RCOR3: variants seen among roughly 807,000 people sequenced by gnomAD.
RCOR3 encodes REST corepressor 3.
Under a neutral mutation model 64.1 loss-of-function variants are expected in RCOR3, and 13 were observed. The ratio of observed to expected loss-of-function variants is 0.20; its 90% CI spans 0.13 to 0.32. The LOEUF is 0.32. Ranked by LOEUF, RCOR3 falls within the 10% of genes least tolerant of loss-of-function variation. The pLI is 1.00. For synonymous variants in RCOR3, 215 were observed against 239.0 expected, an observed-to-expected ratio of 0.90 and a Z score of 0.93; for missense variants, 489 against 701.2, an observed-to-expected ratio of 0.70 and a Z score of 3.42.
intron 9 of RCOR3, among the ~76,000 whole-genome samples, chr1:211,296,562 T>G (rs1442064726): frequency 2.0e-5 from 3 of 152,130 alleles, no homozygotes; most frequent in East Asian, 3.9e-4. Flanking sequence ...TGAGGGGCTA[T>G]GGGGAGGCAG....
Position 211,259,424 on chromosome 1 carries a change from A to G in RCOR3, c.-137A>G, listed in dbSNP as rs1351986249. On this transcript the variant is annotated 5_prime_UTR_variant, in exon 1 of 12. The change abolishes the stop of an existing upstream ORF in the 5' untranslated region. Coordinates refer to ENST00000419091, the MANE Select transcript of RCOR3 (RefSeq NM_001136223.3). ...GGGGCGGTTATGGCGGCTCCATATT[A>G]ACAGCCTCCTCCTCCTCCGCCGCCG... The G allele has an allele frequency of 4.8e-6, 4 of 826,240 alleles. No homozygotes were observed. Among genetic ancestry groups the G allele is most frequent in the Non-Finnish European group, 7.3e-6 (4 of 549,096 alleles). The allele number at this position is 826,240 out of a possible 1,614,324, so 51.2% of individuals were successfully genotyped here.
chr1:211,304,034 A>C, intron 9 of RCOR3, 49 bp from the exon 10 acceptor site: 1 of 1,349,166 alleles, frequency 7.4e-7, no homozygotes, highest in African/African-American at 1.5e-5. Context: ...CGCTTTGGAA[A>C]ATGTCTGTCT....
chr1:211,272,823 G>A (rs1339636597), intron 3 of RCOR3, among the ~76,000 whole-genome samples: 13 of 150,828 alleles, frequency 8.6e-5, no homozygotes, highest in South Asian at 2.1e-4. Flanking sequence ...GGGTTTCACC[G>A]TTTTAGCCAG....
chr1:211,307,490 A>AATTTAAAAAG (rs1553263688), intron 10 of RCOR3, among the ~76,000 whole-genome samples: 10 of 150,664 alleles, frequency 6.6e-5, no homozygotes, highest in Non-Finnish European at 8.9e-5. Flanking sequence ...CAAAAAAAAA[A>AATTTAAAAAG]GAATTTAAAA....
intron 9 of RCOR3, among the ~76,000 whole-genome samples, chr1:211,300,917 C>T (rs6540677): frequency 0.95 from 144,331 of 151,266 alleles, 68,905 homozygotes; most frequent in East Asian, 1. Flanking sequence ...TGCGTGCGTG[C>T]GTGTGTGTGT....
chr1:211,310,687 G>A (rs763909469), intron 10 of RCOR3, among the ~76,000 whole-genome samples: 164 of 152,276 alleles, frequency 1.1e-3, no homozygotes, highest in Non-Finnish European at 1.3e-3. Flanking sequence ...AAGGAGTATA[G>A]TCAGAAGAAG....
chr1:211,302,101 A>G (rs1700439336), intron 9 of RCOR3: 1 of 152,244 alleles, frequency 6.6e-6, no homozygotes, highest in African/African-American at 2.4e-5. Flanking sequence ...AAAATTGCCA[A>G]ACAAGAACAC....
At chr1:211,272,840 C>T (rs1435408610) in intron 3 of RCOR3, among the ~76,000 whole-genome samples, 1 of 151,404 alleles carries the variant, frequency 6.6e-6, no homozygotes, top group African/African-American at 2.4e-5. Context: ...CCAGGATGGT[C>T]TCGATCTCCT....
At chr1:211,308,684 G>GTTTTTTTTTTTTT (rs71585833) in intron 10 of RCOR3, among the ~76,000 whole-genome samples, 57 of 41,992 alleles carry the variant, frequency 1.4e-3, no homozygotes, top group South Asian at 2.1e-3. Context: ...TTTTTTTTTT[G>GTTTTTTTTTTTTT]TTTTTTTTTT....
intron 9 of RCOR3, among the ~76,000 whole-genome samples, chr1:211,297,805 T>C (rs1699994917): frequency 6.6e-6 from 1 of 152,196 alleles, no homozygotes; most frequent in Non-Finnish European, 1.5e-5. Flanking sequence ...ATAGATGTGT[T>C]TCAGATTAAC....
intron 7 of RCOR3, among the ~76,000 whole-genome samples, chr1:211,286,480 C>T (rs1334377696): frequency 6.6e-6 from 1 of 151,752 alleles, no homozygotes; most frequent in African/African-American, 2.4e-5. Context: ...GCTTATTTTT[C>T]GTATTTTTAA....
In RCOR3 at chr1:211,313,258, T is replaced by C. The variant is rs1701672575; in HGVS notation, c.1318-166T>C. ...CCTCATTGGTTTTTGGTTTTTGGTTTTGTTTTGTTTAAAATAAAAGAAGCT... is the reference window on the plus strand; with the variant it reads ...CCTCATTGGTTTTTGGTTTTTGGTTCTGTTTTGTTTAAAATAAAAGAAGCT... On this transcript the variant is annotated intron_variant, in intron 11 of 11. Coordinates refer to ENST00000419091, the MANE Select transcript of RCOR3 (RefSeq NM_001136223.3). This position sits in a 1 kb window ranked among gnomAD's most constrained non-coding sequence, Gnocchi z 4.7. The C allele has an allele frequency of 7.0e-7, 1 of 1,431,532 alleles. No homozygotes were observed. The highest frequency in any genetic ancestry group is 3.0e-5 in the Admixed American group (1 of 33,622). 88.7% of individuals were successfully genotyped at this position (1,431,532 alleles called of 1,614,324 possible).
At chr1:211,299,018 GAAAA>G (rs909078751) in intron 9 of RCOR3, among the ~76,000 whole-genome samples, 2 of 149,380 alleles carry the variant, frequency 1.3e-5, no homozygotes, top group Non-Finnish European at 3.0e-5. Context: ...AAAAAAAAAA[GAAAA>G]GAAAGCCAGA....
chr1:211,313,237 ATTGGTTT>A lies in RCOR3; in HGVS notation c.1318-171_1318-165del, dbSNP rs1175979108. 11 of 1,430,986 alleles carry A rather than the reference ATTGGTTT, an allele frequency of 7.7e-6. No homozygotes were observed. The highest frequency in any genetic ancestry group is 5.7e-5 in the African/African-American group (4 of 69,590). The allele number at this position is 1,430,986 out of a possible 1,614,324, so 88.6% of individuals were successfully genotyped here. A position where few individuals can be genotyped will look rare whatever the true frequency, so the allele number is the denominator to read the frequency against. ...ATAAAGATGCCTGTTTGGTAGCCTC[ATTGGTTT>A]TTGGTTTTTGGTTTTGTTTTGTTTA... On this transcript the variant is annotated intron_variant, in intron 11 of 11. Coordinates refer to ENST00000419091, the MANE Select transcript of RCOR3 (RefSeq NM_001136223.3). This position sits in a 1 kb window ranked among gnomAD's most constrained non-coding sequence, Gnocchi z 4.7.
At position 211,276,348 on chromosome 1, in the gene RCOR3, T is replaced by C; in HGVS notation, c.446T>C (p.Val149Ala). 6.2e-7 allele frequency: 1 copy of C among 1,614,034 alleles called. No individual in the cohort carries two copies. The highest frequency in any genetic ancestry group is 8.5e-7 in the Non-Finnish European group (1 of 1,179,916). ...NFTPFPDEWT[V>A]EDKVLFEQAF... is the part of the protein sequence containing the mutation. ...ACTCCCTTTCCGGATGAGTGGACAG[T>C]GGAAGATAAAGTCCTATTTGAACAA... Residue 149 changes from valine to alanine, a missense_variant, in exon 5 of 12, where the codon GTG (valine) becomes GCG (alanine). This residue lies in a region of RCOR3 where 402 missense variants were observed against 617.0 expected (regional missense o/e 0.65). Coordinates refer to ENST00000419091, the MANE Select transcript of RCOR3 (RefSeq NM_001136223.3).
intron 9 of RCOR3, among the ~76,000 whole-genome samples, chr1:211,299,548 T>A (rs1209879400): frequency 6.6e-6 from 1 of 152,318 alleles, no homozygotes; most frequent in East Asian, 1.9e-4. Flanking sequence ...GTAGAAGATT[T>A]AATTTGGTGA....
intron 7 of RCOR3, among the ~76,000 whole-genome samples, chr1:211,281,643 T>TA: frequency 6.6e-6 from 1 of 152,350 alleles, no homozygotes; most frequent in Middle Eastern, 3.4e-3. Flanking sequence ...GTGTTTTAGA[T>TA]ATGTCGTTTA....
At chr1:211,265,563 C>G (rs1292642669) in intron 2 of RCOR3, among the ~76,000 whole-genome samples, 1 of 152,014 alleles carries the variant, frequency 6.6e-6, no homozygotes, top group African/African-American at 2.4e-5. Flanking sequence ...ACTAAAAATA[C>G]AAAAAATCAG....
Position 211,315,503 on chromosome 1 carries a change from C to T in RCOR3, c.*1735C>T, listed in dbSNP as rs1450042729. ...CCCTGAATTTAGCTGATTTAAAATT[C>T]TTAATATTCAAGAATTTATACTTAT... On this transcript the variant is annotated 3_prime_UTR_variant, in exon 12 of 12. Coordinates refer to ENST00000419091, the MANE Select transcript of RCOR3 (RefSeq NM_001136223.3). 6.6e-6 allele frequency: 1 copy of T among 152,138 alleles called. No individual in the cohort carries two copies. The highest frequency in any genetic ancestry group is 1.5e-5 in the Non-Finnish European group (1 of 68,008). The allele number at this position is 152,138 out of a possible 1,614,324, so 9.4% of individuals were successfully genotyped here. A position where few individuals can be genotyped will look rare whatever the true frequency, so the allele number is the denominator to read the frequency against.
Sources: gnomAD v4.1 joint callset for allele counts (sites outside exome capture counted in the v4.1 genomes callset) on GRCh38, gnomAD v4.1.1 for gene constraint, gnomAD v4.1.1 regional missense constraint, Gnocchi (gnomAD v3.1) non-coding constraint, MANE v1.5 for transcripts, NCBI Gene and HGNC (gene_info 2026-07-23, HGNC 2026-07-21) for gene names.